The following BCORL1 variants were observed in gnomAD, a reference collection of about 807,000 sequenced individuals.
BCORL1 encodes the protein BCL6 corepressor like 1.
A neutral mutation model predicts 87.6 loss-of-function variants in BCORL1; 7 were observed. The ratio of observed to expected loss-of-function variants is 0.08; its 90% CI spans 0.05 to 0.15. BCORL1 has a LOEUF of 0.15. Ranked by LOEUF, BCORL1 falls within the 10% of genes least tolerant of loss-of-function variation. The pLI, the probability that BCORL1 is intolerant of heterozygous loss-of-function variation, is 1.00. For synonymous variants in BCORL1, 591 were observed against 634.4 expected (o/e 0.93, Z 1.03); for missense variants, 1,215 against 1,499.7 (o/e 0.81, Z 3.13).
intron 1 of BCORL1, among the ~76,000 whole-genome samples, chrX:129,988,966 G>A (rs1290768064): frequency 9.0e-5 from 10 of 111,399 alleles, no homozygotes; most frequent in Non-Finnish European, 1.1e-4. Context: ...TGATAATGAG[G>A]CTTTACTCAG....
chrX:130,054,953 G>A (rs1230981891), intron 13 of BCORL1, among the ~76,000 whole-genome samples: 1 of 111,424 alleles, frequency 9.0e-6, no homozygotes, highest in Non-Finnish European at 1.9e-5. Flanking sequence ...GATCCAGTGA[G>A]GGTGGGTGGG....
chrX:130,015,517 T>C lies in BCORL1; in HGVS notation c.2745T>C (p.Tyr915=), dbSNP rs757971118. The C allele has an allele frequency of 9.9e-6, 12 of 1,211,073 alleles. No individual in the cohort carries two copies. The African/African-American group carries it at 1.9e-4, about 19-fold the overall frequency. ...CTTGCCGGATTGCTGCCAAGCCTTATGAAGAACAAGTCAATCCTGTCCTCT... is the reference window on the plus strand; with the variant it reads ...CTTGCCGGATTGCTGCCAAGCCTTACGAAGAACAAGTCAATCCTGTCCTCT... ...NKTCRIAAKP[Y]EEQVNPVLLT... Residue 915 remains tyrosine, a synonymous_variant, in exon 4 of 14, where the codon TAT becomes TAC. Coordinates refer to ENST00000540052, the MANE Select transcript of BCORL1 (RefSeq NM_001379451.1).
chrX:130,042,234 G>T (rs865818435), intron 11 of BCORL1, among the ~76,000 whole-genome samples: 2 of 111,131 alleles, frequency 1.8e-5, no homozygotes, highest in Non-Finnish European at 3.8e-5. Context: ...GACCACGGGT[G>T]TGTGCCACCG....
At chrX:130,003,010 G>A (rs1324405062) in intron 1 of BCORL1, among the ~76,000 whole-genome samples, 1 of 110,013 alleles carries the variant, frequency 9.1e-6, no homozygotes, top group Non-Finnish European at 1.9e-5. Flanking sequence ...AATAAAGAGG[G>A]CAACGTATCC....
intron 4 of BCORL1, among the ~76,000 whole-genome samples, chrX:130,019,909 A>G (rs1009964481): frequency 3.6e-5 from 4 of 112,574 alleles, no homozygotes; most frequent in Non-Finnish European, 5.6e-5. Context: ...AGTGGCACAG[A>G]GAGACCTCAA....
intron 2 of BCORL1, among the ~76,000 whole-genome samples, chrX:130,009,943 A>G (rs138679018): frequency 0.019 from 2,088 of 111,067 alleles, 27 homozygotes; most frequent in South Asian, 0.029. Context: ...CTCTCAATGG[A>G]GCAAGTTAAT....
intron 8 of BCORL1, among the ~76,000 whole-genome samples, chrX:130,030,272 G>T (rs1019907801): frequency 5.4e-5 from 6 of 111,855 alleles, no homozygotes; most frequent in Non-Finnish European, 1.1e-4. Flanking sequence ...GCATAGCGTG[G>T]CAGGGTAGCA....
rs56662335 is a variant in BCORL1 at position 130,011,688 on chromosome X, A to G, written c.87-890A>G. Among the ~76,000 whole-genome samples, 34 of 102,525 alleles carry G rather than the reference A, an allele frequency of 3.3e-4. No individual in the cohort carries two copies. The East Asian group carries it at 9.9e-3, about 30-fold the overall frequency. 89.0% of individuals were successfully genotyped at this position (102,525 alleles called of 115,157 possible). On this transcript the variant is annotated intron_variant, in intron 2 of 13. Transcript: ENST00000540052. ...CTTTAAACAGGGGGAGATGCATTTG[A>G]GTTTTCCTCCTTTGGGACCCAGCTC...
intron 1 of BCORL1, among the ~76,000 whole-genome samples, chrX:129,984,029 G>A (rs1926365676): frequency 9.6e-6 from 1 of 104,211 alleles, no homozygotes; most frequent in Admixed American, 1.0e-4. Flanking sequence ...GCCCAGCGGA[G>A]CTGGATTCGA....
At chrX:130,012,546 T>G in intron 2 of BCORL1, 32 bp from the exon 3 acceptor site, 1 of 1,162,634 alleles carries the variant, frequency 8.6e-7, no homozygotes. Flanking sequence ...CTGGGCCTCA[T>G]GTCCCTTCTC....
intron 1 of BCORL1, among the ~76,000 whole-genome samples, chrX:129,998,150 C>A (rs1375449978): frequency 9.0e-6 from 1 of 110,836 alleles, no homozygotes; most frequent in African/African-American, 3.3e-5. Flanking sequence ...GCCTTCCAGG[C>A]AGTGACCAGG....
Position 129,991,339 on chromosome X carries a change from C to T in BCORL1, c.-45+8577C>T, listed in dbSNP as rs188821145. 4.2e-3 allele frequency among the ~76,000 whole-genome samples: 463 copies of T among 110,783 alleles called. 1 individual carries two copies. The highest frequency in any genetic ancestry group is 6.8e-3 in the Non-Finnish European group (360 of 52,888). On this transcript the variant is annotated intron_variant, in intron 1 of 13. Transcript: ENST00000540052. ...TTTGCCATGTTGGCCTGGCTGGTCT[C>T]GAACTCCTGACCTCAAGTGATCCGG...
rs761031455 is a variant in BCORL1 at position 130,003,753 on chromosome X, A to G, written c.-44-1435A>G. Among the ~76,000 whole-genome samples the G allele has an allele frequency of 7.9e-4, 88 of 111,882 alleles. 2 individuals carry two copies. The highest frequency in any genetic ancestry group is 1.5e-3 in the Non-Finnish European group (81 of 53,195). On this transcript the variant is annotated intron_variant, in intron 1 of 13. Coordinates refer to ENST00000540052, the MANE Select transcript of BCORL1 (RefSeq NM_001379451.1). Reference sequence around the variant, plus strand: ...GAAGTATTCAACATGTTTATTGTCCATGTCATCCCCCTGGGATGTAAGCTC... The same window carrying G: ...GAAGTATTCAACATGTTTATTGTCCGTGTCATCCCCCTGGGATGTAAGCTC...
At chrX:130,001,378 C>T (rs1213043946) in intron 1 of BCORL1, among the ~76,000 whole-genome samples, 1 of 112,469 alleles carries the variant, frequency 8.9e-6, no homozygotes, top group African/African-American at 3.2e-5. Context: ...TGTGAGCCAC[C>T]GTGGCTGGCC....
At chrX:129,989,289 C>T (rs1926867978) in intron 1 of BCORL1, among the ~76,000 whole-genome samples, 4 of 101,995 alleles carry the variant, frequency 3.9e-5, no homozygotes, top group Non-Finnish European at 2.0e-5. Flanking sequence ...GCGCCCGCCA[C>T]CATGCCCGGC....
In BCORL1 at chrX:130,013,643, C is replaced by G. The variant is rs776615469; in HGVS notation, c.871C>G (p.Pro291Ala). 8 of 1,209,467 alleles carry G rather than the reference C, an allele frequency of 6.6e-6. No homozygotes were observed. Among genetic ancestry groups the G allele is most frequent in the Middle Eastern group, 2.3e-4 (1 of 4,372 alleles). Residue 291 changes from proline (P) to alanine (A), a missense_variant, in exon 4 of 14, where the codon CCT becomes GCT. This residue lies in a region of BCORL1 where 861 missense variants were observed against 1,010.0 expected (regional missense o/e 0.85). Coordinates refer to ENST00000540052, the MANE Select transcript of BCORL1 (RefSeq NM_001379451.1). ...VLVPVPASAP[P>A]SGPVPLSAPA... ...GGTGCCTGTGCCAGCTTCTGCTCCC[C>G]CTTCAGGCCCGGTTCCCTTGTCGGC...
rs189842568 is a variant in BCORL1 at position 130,054,588 on chromosome X, G to A, written c.5076-1266G>A. Among the ~76,000 whole-genome samples, 461 of 110,699 alleles carry A rather than the reference G, an allele frequency of 4.2e-3. 4 individuals are homozygous for A. Among genetic ancestry groups the A allele is most frequent in the Middle Eastern group, 9.2e-3 (2 of 217 alleles). On this transcript the variant is annotated intron_variant, in intron 13 of 13. Coordinates refer to ENST00000540052, the MANE Select transcript of BCORL1 (RefSeq NM_001379451.1). ...GAAAGAGAGAGACTGGGTGGACATT[G>A]GGCTGAAGAGGTTAGAAGGTCTCAT...
At chrX:129,986,846 CAAAA>C (rs997507225) in intron 1 of BCORL1, among the ~76,000 whole-genome samples, 4 of 108,822 alleles carry the variant, frequency 3.7e-5, no homozygotes, top group African/African-American at 1.0e-4. Context: ...AACAAAAAAA[CAAAA>C]AAAGAAAAAA....
chrX:130,032,747 AT>A (rs1271686109), intron 8 of BCORL1, among the ~76,000 whole-genome samples: 2 of 95,986 alleles, frequency 2.1e-5, no homozygotes, highest in Non-Finnish European at 3.9e-5. Context: ...TTATTTATTT[AT>A]TTATTTATTT....
Sources: allele counts gnomAD v4.1 joint callset (sites outside exome capture counted in the v4.1 genomes callset), GRCh38; gene constraint gnomAD v4.1.1; regional missense constraint gnomAD v4.1.1; transcripts MANE v1.5; gene names NCBI Gene and HGNC (gene_info 2026-07-23, HGNC 2026-07-21).